The following MICAL2 variants were observed in gnomAD, a reference collection of about 807,000 sequenced individuals.
MICAL2 encodes the protein [F-actin]-monooxygenase MICAL2.
A neutral mutation model predicts 127.3 loss-of-function variants in MICAL2; 77 were observed. The ratio of observed to expected loss-of-function variants is 0.60; its 90% CI spans 0.50 to 0.73. The LOEUF is 0.73. MICAL2 is among the 30% of genes least tolerant of loss of function. MICAL2 has a pLI of 0.00. For synonymous variants in MICAL2, 570 were observed against 551.1 expected (o/e 1.03, Z -0.48); for missense variants, 1,351 against 1,434.4 (o/e 0.94, Z 0.94).
intron 1 of MICAL2, among the ~76,000 whole-genome samples, chr11:12,114,268 A>G (rs1849825409): frequency 6.6e-6 from 1 of 152,224 alleles, no homozygotes; most frequent in Non-Finnish European, 1.5e-5. Context: ...TATATAATCC[A>G]GTATACAACT....
At chr11:12,222,581 A>C (rs775780583) in intron 10 of MICAL2, 36 bp from the exon 11 acceptor site, 21 of 1,613,654 alleles carry the variant, frequency 1.3e-5, no homozygotes, top group Non-Finnish European at 1.6e-5. Context: ...AGGTGGCAAA[A>C]GTGATCCCTG....
downstream of MICAL2, among the ~76,000 whole-genome samples, chr11:12,361,378 C>T (rs1302365006): frequency 1.3e-5 from 2 of 152,158 alleles, no homozygotes; most frequent in Admixed American, 6.5e-5. Context: ...TTAACTCCAC[C>T]TCCAAATAAA....
At chr11:12,320,777 G>A (rs1285650112) in intron 30 of MICAL2, among the ~76,000 whole-genome samples, 1 of 152,058 alleles carries the variant, frequency 6.6e-6, no homozygotes, top group African/African-American at 2.4e-5. Context: ...AGCAAGGCAG[G>A]AGGGGTCTGG....
intron 3 of MICAL2, among the ~76,000 whole-genome samples, chr11:12,176,654 C>A (rs1374832423): frequency 6.6e-6 from 1 of 152,186 alleles, no homozygotes; most frequent in Non-Finnish European, 1.5e-5. Context: ...TCCCCTCAGC[C>A]TTTGGCAACC....
downstream of MICAL2, among the ~76,000 whole-genome samples, chr11:12,293,004 G>A (rs7127178): frequency 0.44 from 66,327 of 151,950 alleles, 15,620 homozygotes; most frequent in African/African-American, 0.61. Flanking sequence ...GTTAAAAAGG[G>A]TCATTGAAAG....
At chr11:12,343,074 G>A (rs1398352847) in intron 32 of MICAL2, among the ~76,000 whole-genome samples, 1 of 152,106 alleles carries the variant, frequency 6.6e-6, no homozygotes, top group African/African-American at 2.4e-5. Context: ...TTCCACACCC[G>A]AAGATCCCCC....
rs572021867 is a variant in MICAL2 at position 12,204,393 on chromosome 11, C to T, written c.408C>T (p.Asp136=). 1 of 1,612,682 alleles carries T rather than the reference C, an allele frequency of 6.2e-7. No individual in the cohort carries two copies. Among genetic ancestry groups the T allele is most frequent in the Admixed American group, 1.7e-5 (1 of 59,758 alleles). ...VLHLWPFTIH[D]LRGLGAKKFY... is the part of the protein sequence containing the mutation. ...ACCTCTGGCCTTTCACCATCCATGA[C>T]CTTCGTGGCCTGGGAGCCAAGAAGT... The change falls in exon 4 of 28, where the codon GAC becomes GAT. Residue 136 remains aspartate (D), a synonymous_variant. Coordinates refer to ENST00000683283, the MANE Select transcript of MICAL2 (RefSeq NM_001282663.2).
At chr11:12,214,051 G>A (rs1249397505) in intron 7 of MICAL2, among the ~76,000 whole-genome samples, 1 of 152,150 alleles carries the variant, frequency 6.6e-6, no homozygotes, top group Non-Finnish European at 1.5e-5. Context: ...TGAGCAGTGA[G>A]CAAAACAAAA....
At chr11:12,208,759 CTTA>C (rs1229231395) in intron 5 of MICAL2, among the ~76,000 whole-genome samples, 1 of 152,228 alleles carries the variant, frequency 6.6e-6, no homozygotes, top group East Asian at 1.9e-4. Context: ...CTGCATCTTA[CTTA>C]TTATTAAAAG....
At chr11:12,349,811 C>A (rs368629201) in intron 32 of MICAL2, 111 of 1,607,326 alleles carry the variant, frequency 6.9e-5, no homozygotes, top group Non-Finnish European at 9.1e-5. Context: ...GCCAATCTAA[C>A]CCATTTGCTG....
At chr11:12,281,203 C>T (rs944826438) in intron 2 of MICAL2, 1 of 397,992 alleles carries the variant, frequency 2.5e-6, no homozygotes, top group Non-Finnish European at 4.4e-6. Context: ...GGAAGCCTCG[C>T]CCTCAGGCTT....
At chr11:12,202,562 TCTC>T (rs1442932861) in intron 3 of MICAL2, among the ~76,000 whole-genome samples, 14 of 152,228 alleles carry the variant, frequency 9.2e-5, no homozygotes, top group African/African-American at 3.4e-4. Flanking sequence ...TTTTAAAGAC[TCTC>T]CTCTGTGAAA....
chr11:12,155,953 T>C (rs1854142366), intron 2 of MICAL2, among the ~76,000 whole-genome samples: 2 of 152,020 alleles, frequency 1.3e-5, no homozygotes, highest in Admixed American at 6.5e-5. Context: ...TAAGAAGCAA[T>C]GGATGAGGTG....
At chr11:12,144,554 G>A (rs1369181584) in intron 2 of MICAL2, among the ~76,000 whole-genome samples, 6 of 152,134 alleles carry the variant, frequency 3.9e-5, no homozygotes, top group East Asian at 1.9e-4. Flanking sequence ...GTTCTTCCCC[G>A]AGACTGTCCC....
At chr11:12,176,790 C>T (rs1313419691) in intron 3 of MICAL2, among the ~76,000 whole-genome samples, 1 of 152,136 alleles carries the variant, frequency 6.6e-6, no homozygotes, top group African/African-American at 2.4e-5. Context: ...TCATCCATGT[C>T]GTAATGTATG....
intron 23 of MICAL2, 39 bp from the exon 24 acceptor site, chr11:12,256,746 T>C: frequency 6.5e-7 from 1 of 1,544,998 alleles, no homozygotes; most frequent in African/African-American, 1.4e-5. Flanking sequence ...AGGCTCGGGA[T>C]AAGCCATAAT....
rs374881106 is a variant in MICAL2, at chr11:12,208,433, T to C, written c.589+294T>C. ...TAATCAATAAATAGGACAGAAGACA[T>C]AGATTTGGTTGTTTGGTAAGGTTCA... On this transcript the variant is annotated intron_variant, in intron 5 of 27. Transcript: ENST00000683283. 1.1e-5 allele frequency: 3 copies of C among 282,190 alleles called. No individual in the cohort carries two copies. The South Asian group carries it at 1.5e-4, about 14-fold the overall frequency. The allele number at this position is 282,190 out of a possible 1,614,324, so 17.5% of individuals were successfully genotyped here. A position where few individuals can be genotyped will look rare whatever the true frequency, so the allele number is the denominator to read the frequency against.
In MICAL2 at chr11:12,314,645, A is replaced by ATTTTTTTTTT. The variant is rs545442574; in HGVS notation, c.5213-5046_5213-5037dup. Among the ~76,000 whole-genome samples, 3 of 123,048 alleles carry ATTTTTTTTTT rather than the reference A, an allele frequency of 2.4e-5. 1 individual carries two copies. Among genetic ancestry groups the ATTTTTTTTTT allele is most frequent in the Non-Finnish European group, 1.6e-5 (1 of 61,282 alleles). The allele number at this position is 123,048 out of a possible 152,430, so 80.7% of individuals were successfully genotyped here. ...AGGCGCCCGCCACCATGCCCAGCTA[A>ATTTTTTTTTT]TTTTTTTTTTTTTTGTATTTTTAGT... On this transcript the variant is annotated intron_variant, in intron 29 of 34. Transcript: ENST00000646065.
chr11:12,228,689 C>T (rs1475633592), intron 15 of MICAL2, among the ~76,000 whole-genome samples: 1 of 152,070 alleles, frequency 6.6e-6, no homozygotes, highest in African/African-American at 2.4e-5. Context: ...GGGAAGCCCA[C>T]GGAGGAGAGC....
Sources: gnomAD v4.1 joint callset for allele counts (sites outside exome capture counted in the v4.1 genomes callset) on GRCh38, gnomAD v4.1.1 for gene constraint, MANE v1.5 for transcripts, NCBI Gene and HGNC (gene_info 2026-07-23, HGNC 2026-07-21) for gene names.